TM4SF5: variants seen among roughly 807,000 people sequenced by gnomAD.
TM4SF5 encodes transmembrane 4 L six family member 5.
Under a neutral mutation model 22.3 loss-of-function variants are expected in TM4SF5, and 16 were observed. The observed-to-expected ratio is 0.72, with a 90% CI of 0.49 to 1.09. The LOEUF is 1.09. Ranked by LOEUF, TM4SF5 falls within the 50% of genes least tolerant of loss-of-function variation. The pLI, the probability that TM4SF5 is intolerant of heterozygous loss-of-function variation, is 0.00. For synonymous variants in TM4SF5, 113 were observed against 109.6 expected (o/e 1.03, Z -0.19); for missense variants, 249 against 266.1 (o/e 0.94, Z 0.45).
intron 4 of TM4SF5, 25 bp from the exon 5 acceptor site, chr17:4,783,089 C>A: frequency 6.2e-7 from 1 of 1,614,172 alleles, no homozygotes; most frequent in Non-Finnish European, 8.5e-7. Flanking sequence ...GTCCTGGCTG[C>A]GTTCTCACCT....
intron 1 of TM4SF5, among the ~76,000 whole-genome samples, chr17:4,772,890 T>A (rs1917140211): frequency 6.6e-6 from 1 of 151,520 alleles, no homozygotes; most frequent in Non-Finnish European, 1.5e-5. Context: ...AACTTTTAAA[T>A]ATTTTATTTA....
intron 3 of TM4SF5, 24 bp downstream of exon 3, chr17:4,782,663 T>C: frequency 6.2e-7 from 1 of 1,612,616 alleles, no homozygotes; most frequent in African/African-American, 1.3e-5. Flanking sequence ...TGTATTCGTG[T>C]CCTCCATTCT....
chr17:4,777,776 C>T (rs936510827), intron 1 of TM4SF5, among the ~76,000 whole-genome samples: 7 of 151,854 alleles, frequency 4.6e-5, no homozygotes, highest in East Asian at 1.9e-4. Flanking sequence ...CCCAGCTACT[C>T]GGGAGGCTGA....
At chr17:4,772,412 C>T (rs1196217075) in intron 1 of TM4SF5, among the ~76,000 whole-genome samples, 1 of 152,150 alleles carries the variant, frequency 6.6e-6, no homozygotes, top group Non-Finnish European at 1.5e-5. Flanking sequence ...CTACAATGGT[C>T]GAGGCAGAAG....
intron 1 of TM4SF5, among the ~76,000 whole-genome samples, chr17:4,779,311 A>G (rs1567708124): frequency 6.8e-6 from 1 of 147,894 alleles, no homozygotes; most frequent in Non-Finnish European, 1.5e-5. Flanking sequence ...TGCCTGCGAT[A>G]CCAGCTACTC....
In TM4SF5 at chr17:4,782,537, T is replaced by G; in HGVS notation, c.293T>G (p.Val98Gly). ...TCGGTCTTCTCCTCGGCGTTCGGGG[T>G]GCTTGGTGCCATCTACTGCCTCTCG... ...LRSVFSSAFG[V>G]LGAIYCLSVS... The change falls in exon 3 of 5, where the codon GTG becomes GGG. Residue 98 changes from valine (V) to glycine (G), a missense_variant. Coordinates refer to ENST00000270560, the MANE Select transcript of TM4SF5 (RefSeq NM_003963.3). The G allele has an allele frequency of 6.2e-7, 1 of 1,613,936 alleles. No individual in the cohort carries two copies. Among genetic ancestry groups the G allele is most frequent in the Non-Finnish European group, 8.5e-7 (1 of 1,179,982 alleles).
chr17:4,780,930 A>G, intron 2 of TM4SF5, 61 bp downstream of exon 2: 1 of 1,455,278 alleles, frequency 6.9e-7, no homozygotes. Flanking sequence ...CTGTAATCCC[A>G]ACACTTTAGC....
chr17:4,782,371 G>A lies in TM4SF5; in HGVS notation c.259-132G>A, dbSNP rs117721745. ...TGAGATTACAGGGGTGAGCCACCGC[G>A]CCCGGCATTAAAAAATACATTTTAA... is the stretch of plus-strand genomic sequence containing the variant. On this transcript the variant is annotated intron_variant, in intron 2 of 4. Coordinates refer to ENST00000270560, the MANE Select transcript of TM4SF5 (RefSeq NM_003963.3). 1.9e-3 allele frequency: 2,141 copies of A among 1,118,236 alleles called. 45 individuals carry two copies. The East Asian group carries it at 0.045, about 23-fold the overall frequency. 69.3% of individuals were successfully genotyped at this position (1,118,236 alleles called of 1,614,324 possible).
chr17:4,774,064 T>C (rs1917166265), intron 1 of TM4SF5, among the ~76,000 whole-genome samples: 1 of 152,048 alleles, frequency 6.6e-6, no homozygotes, highest in South Asian at 2.1e-4. Flanking sequence ...TAAAGAAATA[T>C]ACAAAAATTA....
Position 4,771,940 on chromosome 17 carries a change from T to A in TM4SF5, c.18T>A (p.Cys6Ter). 1.2e-6 allele frequency: 2 copies of A among 1,614,196 alleles called. No individual in the cohort carries two copies. Among genetic ancestry groups the A allele is most frequent in the Non-Finnish European group, 1.7e-6 (2 of 1,180,032 alleles). The change falls in exon 1 of 5, where the codon TGT becomes TGA. Residue 6 changes from cysteine (C) to a stop codon, truncating the protein, a stop_gained. Coordinates refer to ENST00000270560, the MANE Select transcript of TM4SF5 (RefSeq NM_003963.3). LOFTEE classifies it high-confidence loss of function. ...ACCTCACCATGTGTACGGGAAAATG[T>A]GCCCGCTGTGTGGGGCTCTCCCTCA... MCTGK[C>*]ARCVGLSLIT...
chr17:4,776,291 T>G lies in TM4SF5; in HGVS notation c.177+4192T>G, dbSNP rs192245452. Among the ~76,000 whole-genome samples, 20 of 147,948 alleles carry G rather than the reference T, an allele frequency of 1.4e-4. No homozygotes were observed. The South Asian group carries it at 2.7e-3, about 20-fold the overall frequency. ...CATTCTACTGTTTGTTTGTTTGTTTTTTTGCTTTTTTGCTTTTTTGTTTTT... is the reference window on the plus strand; with the variant it reads ...CATTCTACTGTTTGTTTGTTTGTTTGTTTGCTTTTTTGCTTTTTTGTTTTT... On this transcript the variant is annotated intron_variant, in intron 1 of 4. Transcript: ENST00000270560.
chr17:4,776,304 CTTTTTTGT>C (rs1917204248), intron 1 of TM4SF5, among the ~76,000 whole-genome samples: 1 of 150,660 alleles, frequency 6.6e-6, no homozygotes, highest in Non-Finnish European at 1.5e-5. Context: ...TGCTTTTTTG[CTTTTTTGT>C]TTTTTTTGAA....
intron 1 of TM4SF5, among the ~76,000 whole-genome samples, chr17:4,773,430 T>C (rs894486284): frequency 3.9e-5 from 6 of 152,142 alleles, no homozygotes; most frequent in African/African-American, 1.2e-4. Context: ...AGGGAAACTT[T>C]GGGATGGTCA....
chr17:4,777,477 G>A (rs1398527016), intron 1 of TM4SF5, among the ~76,000 whole-genome samples: 2 of 152,100 alleles, frequency 1.3e-5, no homozygotes, highest in African/African-American at 4.8e-5. Context: ...GGTGGCTCAT[G>A]CCTGTAAAAT....
chr17:4,771,971 CTCTGCCTCG>C lies in TM4SF5; in HGVS notation c.55_63del (p.Leu19_Cys21del). The C allele has an allele frequency of 6.2e-7, 1 of 1,614,224 alleles. No individual in the cohort carries two copies. The highest frequency in any genetic ancestry group is 8.5e-7 in the Non-Finnish European group (1 of 1,180,050). ...CTGTGTGGGGCTCTCCCTCATTACC[CTCTGCCTCG>C]TCTGCATTGTGGCCAACGCCCTCCT... On this transcript the variant is annotated inframe_deletion, in exon 1 of 5. Coordinates refer to ENST00000270560, the MANE Select transcript of TM4SF5 (RefSeq NM_003963.3).
intron 1 of TM4SF5, among the ~76,000 whole-genome samples, chr17:4,780,552 AATG>A (rs1917283096): frequency 6.6e-6 from 1 of 152,174 alleles, no homozygotes; most frequent in Non-Finnish European, 1.5e-5. Flanking sequence ...TGGGGAAAAT[AATG>A]ATATTGGGCC....
Position 4,783,052 on chromosome 17 carries a change from G to C in TM4SF5, c.579+15G>C. ...GGAAAAAACAGGTGAAATTTCTTGCGGTGGAGTTGTAGAGGGAACCTGCCT... is the reference window on the plus strand; with the variant it reads ...GGAAAAAACAGGTGAAATTTCTTGCCGTGGAGTTGTAGAGGGAACCTGCCT... On this transcript the variant is annotated intron_variant, in intron 4 of 4. Transcript: ENST00000270560. 2 of 1,614,104 alleles carry C rather than the reference G, an allele frequency of 1.2e-6. No individual in the cohort carries two copies. Among genetic ancestry groups the C allele is most frequent in the Non-Finnish European group, 1.7e-6 (2 of 1,179,958 alleles).
chr17:4,774,185 C>T (rs762381595), intron 1 of TM4SF5, among the ~76,000 whole-genome samples: 2 of 152,198 alleles, frequency 1.3e-5, no homozygotes, highest in Non-Finnish European at 2.9e-5. Flanking sequence ...GTGCTCCAGC[C>T]TGGGCGACAG....
chr17:4,772,995 C>T (rs575632711), intron 1 of TM4SF5, among the ~76,000 whole-genome samples: 11 of 152,286 alleles, frequency 7.2e-5, no homozygotes, highest in African/African-American at 2.4e-4. Flanking sequence ...ACCTCTGTCT[C>T]CTGGGTTTAA....
Sources: gnomAD v4.1 joint callset for allele counts (sites outside exome capture counted in the v4.1 genomes callset) on GRCh38, gnomAD v4.1.1 for gene constraint, MANE v1.5 for transcripts, NCBI Gene and HGNC (gene_info 2026-07-23, HGNC 2026-07-21) for gene names.